Variants in TXNL4A observed in about 807,000 individuals in gnomAD.
The protein encoded by TXNL4A is thioredoxin-like protein 4A.
A neutral mutation model predicts 14.6 loss-of-function variants in TXNL4A; 17 were observed. The ratio of observed to expected loss-of-function variants is 1.16; its 90% CI spans 0.80 to 1.74. TXNL4A has a LOEUF of 1.74. TXNL4A is among the 40% of genes most tolerant of loss of function. The pLI is 0.00. For missense variants in TXNL4A, 74 were observed against 195.2 expected (o/e 0.38, Z 3.70); for synonymous variants, 83 against 70.6 (o/e 1.18, Z -0.88).
chr18:80,004,520 T>TG (rs939919592), intron 1 of TXNL4A, among the ~76,000 whole-genome samples: 6 of 152,032 alleles, frequency 3.9e-5, no homozygotes, highest in Admixed American at 2.6e-4. Flanking sequence ...CCCAGCAATC[T>TG]GGGGGGGATT....
Position 80,006,940 on chromosome 18 carries a change from C to T in TXNL4A, c.-61+26911G>A, listed in dbSNP as rs748177008. Among the ~76,000 whole-genome samples, 7 of 152,128 alleles carry T rather than the reference C, an allele frequency of 4.6e-5. No homozygotes were observed. In the East Asian group the frequency reaches 5.8e-4, roughly 13 times the overall value. On this transcript the variant is annotated intron_variant, in intron 1 of 2. Coordinates refer to the TXNL4A transcript ENST00000585474. ...TGGAGTCTCTACGCGCCAGGCGCCA[C>T]GTTGCCTGCTTTTTTACTGCACATG...
At chr18:79,973,884 C>T in intron 2 of TXNL4A, 28 bp from the exon 3 acceptor site, 1 of 1,607,614 alleles carries the variant, frequency 6.2e-7, no homozygotes, top group Non-Finnish European at 8.5e-7. Context: ...GGCATCCATT[C>T]TCATAGAAGT....
chr18:80,007,067 C>T (rs2145110761), intron 1 of TXNL4A, among the ~76,000 whole-genome samples: 1 of 152,328 alleles, frequency 6.6e-6, no homozygotes, highest in Non-Finnish European at 1.5e-5. Flanking sequence ...CCTATGCAGG[C>T]TTCCAGCTGG....
At chr18:80,024,922 T>C (rs972171045) in intron 1 of TXNL4A, among the ~76,000 whole-genome samples, 22 of 152,318 alleles carry the variant, frequency 1.4e-4, no homozygotes, top group African/African-American at 5.1e-4. Context: ...CTCTAAATTA[T>C]GAGGAACAAG....
intron 2 of TXNL4A, chr18:79,977,272 T>G (rs1337390944): frequency 5.2e-6 from 2 of 384,010 alleles, no homozygotes; most frequent in African/African-American, 4.2e-5. Context: ...AATTTGTGAT[T>G]TTACAACATT....
chr18:79,981,679 C>A (rs1369186013), intron 1 of TXNL4A, among the ~76,000 whole-genome samples: 2 of 152,090 alleles, frequency 1.3e-5, no homozygotes, highest in African/African-American at 4.8e-5. Flanking sequence ...CTCAAACTAA[C>A]AACAACAACA....
chr18:79,990,390 C>T (rs8083688), upstream of TXNL4A, among the ~76,000 whole-genome samples: 4 of 152,298 alleles, frequency 2.6e-5, no homozygotes, highest in South Asian at 6.2e-4. Context: ...TACATAAAGG[C>T]GTGTTCAGGT....
intron 1 of TXNL4A, among the ~76,000 whole-genome samples, chr18:79,981,402 T>C (rs1174632194): frequency 6.6e-6 from 1 of 152,250 alleles, no homozygotes; most frequent in African/African-American, 2.4e-5. Flanking sequence ...CCAGGTGAGG[T>C]GGCTCACGCC....
At position 80,015,259 on chromosome 18, in the gene TXNL4A, A is replaced by C. The variant is rs1467100534; in HGVS notation, c.-61+18592T>G. Reference sequence around the variant, plus strand: ...CAGCTTGAATTTCTCCTCAAAAAAAAAAATGGACTTTTCTTTTCTACTTCA... The same window carrying C: ...CAGCTTGAATTTCTCCTCAAAAAAACAAATGGACTTTTCTTTTCTACTTCA... On this transcript the variant is annotated intron_variant, in intron 1 of 2. Transcript: ENST00000585474. Among the ~76,000 whole-genome samples, 6 of 152,296 alleles carry C rather than the reference A, an allele frequency of 3.9e-5. No homozygotes were observed. In the East Asian group the frequency reaches 1.2e-3, roughly 29 times the overall value.
intron 1 of TXNL4A, among the ~76,000 whole-genome samples, chr18:79,996,204 A>C (rs1235303101): frequency 6.6e-6 from 1 of 151,774 alleles, no homozygotes; most frequent in Non-Finnish European, 1.5e-5. Flanking sequence ...CAGGAAGACT[A>C]GGGTGCTCTG....
chr18:79,988,574 G>A, upstream of TXNL4A: 1 of 559,332 alleles, frequency 1.8e-6, no homozygotes, highest in Admixed American at 4.6e-5. Flanking sequence ...GGGCGCGCAC[G>A]CACCGACGCC....
chr18:80,020,554 G>C (rs562884952), intron 1 of TXNL4A, among the ~76,000 whole-genome samples: 16 of 152,156 alleles, frequency 1.1e-4, no homozygotes, highest in Non-Finnish European at 1.6e-4. Context: ...TGGACCTTGA[G>C]CCTAAGTTAA....
At chr18:79,981,463 G>C (rs1213286378) in intron 1 of TXNL4A, among the ~76,000 whole-genome samples, 1 of 152,238 alleles carries the variant, frequency 6.6e-6, no homozygotes, top group Non-Finnish European at 1.5e-5. Flanking sequence ...CTTGAGGTCA[G>C]GAGTTCGAGA....
intron 2 of TXNL4A, among the ~76,000 whole-genome samples, chr18:79,975,983 G>C (rs1003061449): frequency 1.3e-5 from 2 of 152,198 alleles, no homozygotes; most frequent in Non-Finnish European, 2.9e-5. Flanking sequence ...GGTCAGCCAC[G>C]CAACCTTTGC....
At chr18:79,985,172 T>C (rs917280631) in intron 1 of TXNL4A, among the ~76,000 whole-genome samples, 2 of 152,190 alleles carry the variant, frequency 1.3e-5, no homozygotes, top group African/African-American at 2.4e-5. Context: ...AATTGTCTCC[T>C]GTGACAGTGT....
At chr18:80,025,294 G>A (rs1261418164) in intron 1 of TXNL4A, among the ~76,000 whole-genome samples, 3 of 152,124 alleles carry the variant, frequency 2.0e-5, no homozygotes, top group Admixed American at 6.5e-5. Context: ...AATCTTTTAC[G>A]TCTCTTAAAG....
chr18:80,024,806 G>A (rs1469976440), intron 1 of TXNL4A, among the ~76,000 whole-genome samples: 1 of 152,186 alleles, frequency 6.6e-6, no homozygotes, highest in African/African-American at 2.4e-5. Flanking sequence ...CCGTGACACA[G>A]GTAGACCAAA....
At chr18:80,031,122 G>C (rs1366579422) in intron 1 of TXNL4A, among the ~76,000 whole-genome samples, 5 of 152,156 alleles carry the variant, frequency 3.3e-5, no homozygotes, top group African/African-American at 1.2e-4. Flanking sequence ...TTTCACAATG[G>C]AATAATGCAA....
chr18:80,029,003 G>C (rs959765710), intron 1 of TXNL4A, among the ~76,000 whole-genome samples: 11 of 152,188 alleles, frequency 7.2e-5, no homozygotes, highest in African/African-American at 2.4e-4. Flanking sequence ...CCCCAATCCA[G>C]GACCAAACGG....
Sources: allele counts gnomAD v4.1 joint callset (sites outside exome capture counted in the v4.1 genomes callset), GRCh38; gene constraint gnomAD v4.1.1; transcripts MANE v1.5; gene names NCBI Gene and HGNC (gene_info 2026-07-23, HGNC 2026-07-21).